Variants in MCTP1 observed in about 807,000 individuals in gnomAD.
MCTP1 encodes multiple C2 and transmembrane domain containing 1.
MCTP1 carries 69 observed loss-of-function variants against 120.6 expected under a neutral mutation model. The observed-to-expected ratio is 0.57, with a 90% confidence interval of 0.47 to 0.70. The LOEUF (loss-of-function observed/expected upper bound fraction) is 0.70, where lower values mean the gene tolerates loss of function less well. Ranked by LOEUF, MCTP1 falls within the 30% of genes least tolerant of loss-of-function variation. MCTP1 has a pLI of 0.00. For synonymous variants in MCTP1, 529 were observed against 493.1 expected, an observed-to-expected ratio of 1.07 and a Z score of -0.96; for missense variants, 1,203 against 1,248.8, an observed-to-expected ratio of 0.96 and a Z score of 0.55.
chr5:95,244,939 A>G (rs1381902987), intron 1 of MCTP1, among the ~76,000 whole-genome samples: 2 of 152,158 alleles, frequency 1.3e-5, no homozygotes. Context: ...AGACACCTCA[A>G]ACAGGCAGGT....
chr5:94,929,735 C>CA, intron 6 of MCTP1: 1 of 943,364 alleles, frequency 1.1e-6, no homozygotes, highest in Non-Finnish European at 1.3e-6. Context: ...ATTGAAATGT[C>CA]AAACTTTCCC....
intron 17 of MCTP1, among the ~76,000 whole-genome samples, chr5:94,802,282 C>A (rs1781383836): frequency 6.6e-6 from 1 of 151,970 alleles, no homozygotes; most frequent in Non-Finnish European, 1.5e-5. Flanking sequence ...ATGAAGATTT[C>A]AAAAGGTTAA....
intron 1 of MCTP1, among the ~76,000 whole-genome samples, chr5:95,047,684 T>A (rs1030446339): frequency 1.4e-4 from 21 of 152,158 alleles, no homozygotes; most frequent in Non-Finnish European, 2.8e-4. Flanking sequence ...AGTAGTCTAA[T>A]GCCTAGCTAA....
intron 1 of MCTP1, among the ~76,000 whole-genome samples, chr5:95,271,740 A>G (rs1759419379): frequency 1.3e-5 from 2 of 151,800 alleles, no homozygotes; most frequent in South Asian, 2.1e-4. Flanking sequence ...TACATATGTT[A>G]TAATTAATTA....
intron 1 of MCTP1, among the ~76,000 whole-genome samples, chr5:95,264,363 C>T (rs1322616145): frequency 6.6e-6 from 1 of 152,150 alleles, no homozygotes; most frequent in Non-Finnish European, 1.5e-5. Flanking sequence ...CATTAAAAAC[C>T]TAGTTGATAT....
chr5:94,866,962 T>C (rs1261457919), intron 17 of MCTP1, among the ~76,000 whole-genome samples: 1 of 151,908 alleles, frequency 6.6e-6, no homozygotes, highest in Non-Finnish European at 1.5e-5. Context: ...AGGAATGATT[T>C]TGGAAGGAGT....
intron 1 of MCTP1, among the ~76,000 whole-genome samples, chr5:95,208,489 T>C (rs548736801): frequency 2.6e-5 from 4 of 152,328 alleles, no homozygotes; most frequent in Admixed American, 2.0e-4. Context: ...GTTTATGAAA[T>C]ATTTTCCCAT....
At position 94,871,065 on chromosome 5, in the gene MCTP1, C is replaced by T. The variant is rs1403773170; in HGVS notation, c.2140-92G>A. 2.9e-6 allele frequency: 3 copies of T among 1,025,778 alleles called. No homozygotes were observed. In the Admixed American group the frequency reaches 5.6e-5, roughly 19 times the overall value. 63.5% of individuals were successfully genotyped at this position (1,025,778 alleles called of 1,614,324 possible). A position where few individuals can be genotyped will look rare whatever the true frequency, so the allele number is the denominator to read the frequency against. On this transcript the variant is annotated intron_variant, in intron 14 of 22. Transcript: ENST00000515393. ...TTTGACCCCCAGCTGCTGAAACTGA[C>T]AGAGAACCCAAAACAACTGTGGCAA...
At chr5:94,737,945 C>T (rs1198052266) in intron 19 of MCTP1, among the ~76,000 whole-genome samples, 1 of 152,192 alleles carries the variant, frequency 6.6e-6, no homozygotes, top group South Asian at 2.1e-4. Flanking sequence ...TCCCAGAGTG[C>T]TGGGATTGCA....
intron 2 of MCTP1, among the ~76,000 whole-genome samples, chr5:95,016,182 C>T (rs995160250): frequency 1.3e-5 from 2 of 151,786 alleles, no homozygotes; most frequent in African/African-American, 2.4e-5. Flanking sequence ...TCTTTTTAAA[C>T]TTTTTTTAAT....
chr5:94,870,418 T>G lies in MCTP1; in HGVS notation c.2315A>C (p.Gln772Pro). Residue 772 changes from glutamine (Q) to proline (P), a missense_variant and splice_region_variant, in exon 16 of 23, where the codon CAG (glutamine) becomes CCG (proline). Gln to Pro is a moderately conservative substitution (Grantham distance 76). Coordinates refer to ENST00000515393, the MANE Select transcript of MCTP1 (RefSeq NM_024717.7). ...YIEEENRLSK[Q>P]LLLRNFIRMK... ...GATTAATCTTTTCTTGCTTTTTACCTGTTTAGAGAGTCTGTTTTCCTCTTC... is the reference window on the plus strand; with the variant it reads ...GATTAATCTTTTCTTGCTTTTTACCGGTTTAGAGAGTCTGTTTTCCTCTTC... The G allele has an allele frequency of 1.9e-6, 3 of 1,604,470 alleles. 1 individual carries two copies. In the South Asian group the frequency reaches 3.3e-5, roughly 18 times the overall value.
chr5:94,961,752 G>T (rs1265097711), intron 2 of MCTP1, among the ~76,000 whole-genome samples: 7 of 152,040 alleles, frequency 4.6e-5, no homozygotes. Flanking sequence ...TTTATGAAAG[G>T]CCTGACTCCT....
rs555783446 is a variant in MCTP1 at position 95,213,947 on chromosome 5, G to C, written c.720+69909C>G. Among the ~76,000 whole-genome samples the C allele has an allele frequency of 4.7e-3, 716 of 152,202 alleles. 1 individual carries two copies. The highest frequency in any genetic ancestry group is 7.5e-3 in the Non-Finnish European group (513 of 67,988). On this transcript the variant is annotated intron_variant, in intron 1 of 22. Transcript: ENST00000515393. ...CCTAGGCATTACCATTCAGGACATA[G>C]GCATGGGCAAGGACTTCATGTCTAA...
intron 1 of MCTP1, among the ~76,000 whole-genome samples, chr5:95,071,206 C>G (rs1376564549): frequency 2.6e-5 from 4 of 152,154 alleles, no homozygotes; most frequent in African/African-American, 4.8e-5. Context: ...CTGGGCATAC[C>G]TATGACACCA....
intron 17 of MCTP1, among the ~76,000 whole-genome samples, chr5:94,803,951 A>G (rs1431514073): frequency 1.3e-5 from 2 of 152,184 alleles, no homozygotes; most frequent in South Asian, 2.1e-4. Context: ...AGAGGCTTAA[A>G]AAAACATGGG....
At chr5:95,148,886 G>T (rs1172400321) in intron 1 of MCTP1, among the ~76,000 whole-genome samples, 1 of 152,156 alleles carries the variant, frequency 6.6e-6, no homozygotes, top group Non-Finnish European at 1.5e-5. Flanking sequence ...GGTGGCCAAA[G>T]ATATGTTCAG....
chr5:94,977,994 A>G (rs1181788243), intron 2 of MCTP1, among the ~76,000 whole-genome samples: 1 of 152,130 alleles, frequency 6.6e-6, no homozygotes, highest in Non-Finnish European at 1.5e-5. Flanking sequence ...GTTAGTTTCC[A>G]ATATATAAGG....
At chr5:94,712,305 T>C (rs1478897894) in intron 20 of MCTP1, among the ~76,000 whole-genome samples, 1 of 152,144 alleles carries the variant, frequency 6.6e-6, no homozygotes, top group Non-Finnish European at 1.5e-5. Flanking sequence ...ACTTTTTTCT[T>C]ATGAGACAGA....
chr5:94,940,983 G>A (rs1817575462), intron 4 of MCTP1, among the ~76,000 whole-genome samples: 1 of 151,682 alleles, frequency 6.6e-6, no homozygotes, highest in Non-Finnish European at 1.5e-5. Context: ...TTGAGGAGAG[G>A]GAATTGCTAG....
Sources: gnomAD v4.1 joint callset for allele counts (sites outside exome capture counted in the v4.1 genomes callset) on GRCh38, gnomAD v4.1.1 for gene constraint, MANE v1.5 for transcripts, NCBI Gene and HGNC (gene_info 2026-07-23, HGNC 2026-07-21) for gene names.